SERINC2: variants seen among roughly 807,000 people sequenced by gnomAD.
The protein encoded by SERINC2 is tumor differentially expressed protein 2.
In SERINC2, 56 loss-of-function variants were observed where a neutral mutation model predicts 54.2. That is an observed-to-expected ratio of 1.03 (90% CI 0.83 to 1.29). The LOEUF (loss-of-function observed/expected upper bound fraction) is 1.29. SERINC2 is among the 50% of genes most tolerant of loss of function. The pLI is 0.00. For missense variants in SERINC2, 614 were observed against 607.4 expected (o/e 1.01, Z -0.12); for synonymous variants, 272 against 253.1 (o/e 1.07, Z -0.71).
At position 31,432,814 on chromosome 1, in the gene SERINC2, G is replaced by A. The variant is rs1413999490; in HGVS notation, c.1014-153G>A. On this transcript the variant is annotated intron_variant, in intron 8 of 9. Coordinates refer to ENST00000373709, the MANE Select transcript of SERINC2 (RefSeq NM_178865.5). ...CAAGGTCACACAGAAAATGGGAGTGGGGGTAGGGGTAGAGTTGAGAGGCAA... is the reference window on the plus strand; with the variant it reads ...CAAGGTCACACAGAAAATGGGAGTGAGGGTAGGGGTAGAGTTGAGAGGCAA... Among the ~76,000 whole-genome samples, 6 of 152,140 alleles carry A rather than the reference G, an allele frequency of 3.9e-5. No homozygotes were observed. In the South Asian group the frequency reaches 1.0e-3, roughly 26 times the overall value.
At position 31,425,761 on chromosome 1, in the gene SERINC2, C is replaced by A; in HGVS notation, c.473-15C>A. 1 of 1,609,340 alleles carries A rather than the reference C, an allele frequency of 6.2e-7. No individual in the cohort carries two copies. Among genetic ancestry groups the A allele is most frequent in the South Asian group, 1.1e-5 (1 of 90,710 alleles). ...AGAGGGACCCTCCTCGCCTCACTCCCCTCTCCCCACCCAGTCTGGTTCTAC... is the reference window on the plus strand; with the variant it reads ...AGAGGGACCCTCCTCGCCTCACTCCACTCTCCCCACCCAGTCTGGTTCTAC... On this transcript the variant is annotated splice_polypyrimidine_tract_variant and intron_variant, in intron 4 of 9. Coordinates refer to ENST00000373709, the MANE Select transcript of SERINC2 (RefSeq NM_178865.5).
In SERINC2 at chr1:31,413,609, G is replaced by A. The variant is rs1640699743; in HGVS notation, c.39+305G>A. On this transcript the variant is annotated intron_variant, in intron 1 of 9. Transcript: ENST00000373709. This position sits in a 1 kb window ranked among gnomAD's most constrained non-coding sequence, Gnocchi z 5.0. Reference sequence around the variant, plus strand: ...CCTGGGACCTGGAGAGACTAAGCCTGGAGCCCGGGGTCGGGGCAGCTCTGT... The same window carrying A: ...CCTGGGACCTGGAGAGACTAAGCCTAGAGCCCGGGGTCGGGGCAGCTCTGT... Among the ~76,000 whole-genome samples the A allele has an allele frequency of 6.6e-6, 1 of 151,910 alleles. No homozygotes were observed. Among genetic ancestry groups the A allele is most frequent in the South Asian group, 2.1e-4 (1 of 4,822 alleles).
intron 6 of SERINC2, among the ~76,000 whole-genome samples, chr1:31,427,124 A>T (rs1641066719): frequency 6.6e-6 from 1 of 152,128 alleles, no homozygotes; most frequent in South Asian, 2.1e-4. Flanking sequence ...TGGCCTGTAG[A>T]TATCTCTCAG....
intron 1 of SERINC2, among the ~76,000 whole-genome samples, chr1:31,417,613 T>G (rs1435720494): frequency 1.3e-5 from 2 of 152,226 alleles, no homozygotes; most frequent in Non-Finnish European, 1.5e-5. Context: ...GACACTGTTA[T>G]GCAACCATCA....
At chr1:31,411,683 G>A (rs879969426), upstream of SERINC2, among the ~76,000 whole-genome samples, 1 of 152,040 alleles carries the variant, frequency 6.6e-6, no homozygotes, top group African/African-American at 2.4e-5. Flanking sequence ...GAGAAAGAGG[G>A]ATAAGGAGAA....
chr1:31,419,761 T>C (rs1233214693), intron 1 of SERINC2, among the ~76,000 whole-genome samples: 2 of 147,366 alleles, frequency 1.4e-5, no homozygotes, highest in African/African-American at 5.0e-5. Flanking sequence ...CCCAGGAGGT[T>C]GAGGCTTCAG....
intron 6 of SERINC2, among the ~76,000 whole-genome samples, chr1:31,428,492 G>A (rs901250179): frequency 1.1e-4 from 16 of 152,304 alleles, no homozygotes; most frequent in Middle Eastern, 6.8e-3. Flanking sequence ...GGGCTGAAAG[G>A]TGGGTGGCTG....
rs61781665 is a variant in SERINC2, at chr1:31,431,814, C to G, written c.1014-1153C>G. ...GGGTGGATAGGGTGGACAGGGTGGA[C>G]AGGGTGGATAGGGTGGATAGGGTGG... On this transcript the variant is annotated intron_variant, in intron 8 of 9. Coordinates refer to ENST00000373709, the MANE Select transcript of SERINC2 (RefSeq NM_178865.5). Among the ~76,000 whole-genome samples the G allele has an allele frequency of 9.4e-3, 320 of 33,944 alleles. 3 individuals carry two copies. Among genetic ancestry groups the G allele is most frequent in the African/African-American group, 0.022 (266 of 12,362 alleles). 22.3% of individuals were successfully genotyped at this position (33,944 alleles called of 152,430 possible). A position where few individuals can be genotyped will look rare whatever the true frequency, so the allele number is the denominator to read the frequency against.
chr1:31,410,479 C>T (rs1553131349), upstream of SERINC2: 1 of 1,548,578 alleles, frequency 6.5e-7, no homozygotes, highest in Non-Finnish European at 8.7e-7. Flanking sequence ...GCCCAGCCGG[C>T]CTTGGTCTTG....
rs1481337285 is a variant in SERINC2, at chr1:31,423,717, C to T, written c.64C>T (p.Pro22Ser). 1.9e-6 allele frequency: 3 copies of T among 1,611,108 alleles called. No individual in the cohort carries two copies. Among genetic ancestry groups the T allele is most frequent in the Non-Finnish European group, 2.5e-6 (3 of 1,179,912 alleles). ...SCASCLCGSA[P>S]CILCSCCPAS... ...GGCGTCCTGCCTCTGCGGCTCTGCC[C>T]CCTGCATCCTGTGCAGCTGCTGCCC... is the stretch of plus-strand genomic sequence containing the variant. The change falls in exon 2 of 10, where the codon CCC becomes TCC. Residue 22 changes from proline (P) to serine (S), a missense_variant. Physicochemically the swap from Pro to Ser is moderately conservative, Grantham distance 74. Coordinates refer to ENST00000373709, the MANE Select transcript of SERINC2 (RefSeq NM_178865.5).
chr1:31,433,378 C>T (rs1641379531), intron 9 of SERINC2, among the ~76,000 whole-genome samples, 193 bp downstream of exon 9: 1 of 152,168 alleles, frequency 6.6e-6, no homozygotes, highest in South Asian at 2.1e-4. Flanking sequence ...ATCTGCTCAG[C>T]TCCCGCACCT....
intron 8 of SERINC2, 147 bp from the exon 9 acceptor site, chr1:31,432,820 G>C (rs1439515526): frequency 3.2e-6 from 2 of 621,430 alleles, no homozygotes; most frequent in Non-Finnish European, 2.8e-6. Context: ...AGTGGGGGTA[G>C]GGGTAGAGTT....
intron 7 of SERINC2, 50 bp downstream of exon 7, chr1:31,429,118 T>A: frequency 6.6e-7 from 1 of 1,513,256 alleles, no homozygotes; most frequent in South Asian, 1.1e-5. Flanking sequence ...CCTGGGTCAG[T>A]ATCAGTCTAC....
intron 5 of SERINC2, chr1:31,426,115 C>T: frequency 1.7e-6 from 1 of 591,994 alleles, no homozygotes. Flanking sequence ...CCGAGGAGAG[C>T]TGACCTGGAG....
intron 8 of SERINC2, among the ~76,000 whole-genome samples, chr1:31,432,120 T>TGGAGAGGGTGGAGAGGGTGGAG (rs1557501414): frequency 7.6e-5 from 1 of 13,224 alleles, no homozygotes; most frequent in Admixed American, 8.1e-4. Context: ...ATAGGGTGGT[T>TGGAGAGGGTGGAGAGGGTGGAG]AGGGTGGATA....
intron 6 of SERINC2, among the ~76,000 whole-genome samples, chr1:31,427,535 A>G (rs939889603): frequency 7.9e-5 from 12 of 152,176 alleles, no homozygotes; most frequent in African/African-American, 2.7e-4. Context: ...TCACACAGCA[A>G]TCAGTATTTA....
chr1:31,432,117 GGTT>G (rs1641290157), intron 8 of SERINC2, among the ~76,000 whole-genome samples: 1 of 131,012 alleles, frequency 7.6e-6, no homozygotes, highest in Non-Finnish European at 1.6e-5. Flanking sequence ...TGGATAGGGT[GGTT>G]AGGGTGGATA....
In SERINC2 at chr1:31,434,186, G is replaced by A. The variant is rs147357683; in HGVS notation, c.1355G>A (p.Arg452His). The A allele has an allele frequency of 2.5e-5, 40 of 1,613,050 alleles. No homozygotes were observed. The highest frequency in any genetic ancestry group is 1.7e-4 in the African/African-American group (13 of 74,892). Residue 452 changes from arginine to histidine, a missense_variant, in exon 10 of 10, where the codon CGC (arginine) becomes CAC (histidine). Transcript: ENST00000373709. ...TLVAPLLLRN[R>H]DFS ...GTAGCCCCACTCCTCCTGCGCAACC[G>A]CGACTTCAGCTGAGGCAGCCTCACA...
At chr1:31,414,378 G>A (rs1211621015) in intron 1 of SERINC2, 37 of 1,225,258 alleles carry the variant, frequency 3.0e-5, no homozygotes, top group Non-Finnish European at 3.8e-5. Context: ...GGGCTGCAGC[G>A]GCTGCTGAAT....
Sources: allele counts gnomAD v4.1 joint callset (sites outside exome capture counted in the v4.1 genomes callset), GRCh38; gene constraint gnomAD v4.1.1; non-coding constraint Gnocchi (gnomAD v3.1); transcripts MANE v1.5; gene names NCBI Gene and HGNC (gene_info 2026-07-23, HGNC 2026-07-21).